Variants in CEP85L observed in about 807,000 individuals in gnomAD.
CEP85L encodes the protein centrosomal protein of 85 kDa-like.
A neutral mutation model predicts 100.3 loss-of-function variants in CEP85L; 60 were observed. The observed-to-expected ratio is 0.60, with a 90% CI of 0.49 to 0.74. The LOEUF is 0.74. Among genes scored for constraint, CEP85L ranks in the 30% least tolerant of loss-of-function variants. The probability of loss-of-function intolerance (pLI) is 0.00; values close to 1 mark genes in which losing one functional copy is unlikely to be tolerated. For synonymous variants in CEP85L, 319 were observed against 322.7 expected, an observed-to-expected ratio of 0.99 and a Z score of 0.12; for missense variants, 973 against 936.2, an observed-to-expected ratio of 1.04 and a Z score of -0.51.
chr6:118,703,596 A>C (rs943353409), intron 1 of CEP85L, among the ~76,000 whole-genome samples: 4 of 152,222 alleles, frequency 2.6e-5, no homozygotes, highest in African/African-American at 9.6e-5. Context: ...ATGGGAGTGA[A>C]ATATAAGTAT....
chr6:118,502,008 G>C (rs1169507087), intron 5 of CEP85L: 3 of 824,396 alleles, frequency 3.6e-6, no homozygotes, highest in Non-Finnish European at 6.1e-6. Flanking sequence ...TTAACAGTCA[G>C]TGGGAATTTG....
chr6:118,511,238 A>T, intron 5 of CEP85L, 60 bp downstream of exon 5: 1 of 957,752 alleles, frequency 1.0e-6, no homozygotes, highest in South Asian at 1.4e-5. Flanking sequence ...TTACAAGGTA[A>T]GTATATTATT....
At chr6:118,563,042 TA>T (rs1467939705) in intron 3 of CEP85L, among the ~76,000 whole-genome samples, 5 of 152,166 alleles carry the variant, frequency 3.3e-5, no homozygotes, top group African/African-American at 1.2e-4. Flanking sequence ...TCATAGTCCC[TA>T]TAGAGTCAGG....
intron 3 of CEP85L, among the ~76,000 whole-genome samples, chr6:118,550,659 T>C (rs1056788170): frequency 1.3e-5 from 2 of 151,892 alleles, no homozygotes; most frequent in Non-Finnish European, 2.9e-5. Flanking sequence ...GTTTAGGTTT[T>C]GTCACTAAGC....
chr6:118,579,621 T>C (rs1159044419), intron 2 of CEP85L, among the ~76,000 whole-genome samples: 1 of 152,220 alleles, frequency 6.6e-6, no homozygotes, highest in African/African-American at 2.4e-5. Context: ...AATAAAACTA[T>C]TACTTTATGA....
intron 1 of CEP85L, among the ~76,000 whole-genome samples, chr6:118,668,729 A>C (rs908160467): frequency 6.6e-6 from 1 of 152,276 alleles, no homozygotes; most frequent in Admixed American, 6.5e-5. Context: ...TAAAGGGAAC[A>C]GAACAAAATT....
intron 1 of CEP85L, among the ~76,000 whole-genome samples, chr6:118,702,805 G>A (rs187481180): frequency 7.2e-5 from 11 of 152,190 alleles, no homozygotes; most frequent in Admixed American, 5.2e-4. Context: ...GACTACCGTG[G>A]CTAACATGGT....
intron 5 of CEP85L, among the ~76,000 whole-genome samples, chr6:118,507,001 T>A (rs1303467920): frequency 6.6e-6 from 1 of 152,040 alleles, no homozygotes; most frequent in Non-Finnish European, 1.5e-5. Flanking sequence ...ATTGCACAAA[T>A]CCTCCCTTGG....
At chr6:118,498,632 G>C (rs1391183135) in intron 5 of CEP85L, among the ~76,000 whole-genome samples, 4 of 146,512 alleles carry the variant, frequency 2.7e-5, no homozygotes, top group Non-Finnish European at 6.0e-5. Flanking sequence ...AGAAAGGAAA[G>C]GAAAAAGGGA....
chr6:118,461,615 G>C lies in CEP85L; in HGVS notation c.*3790C>G, dbSNP rs182962486. ...TTATATTTAGCACTTTTTTAAATAA[G>C]AAAAAAAATCCAAAATCTTTCCCAT... On this transcript the variant is annotated 3_prime_UTR_variant, in exon 13 of 13. Coordinates refer to ENST00000368491, the MANE Select transcript of CEP85L (RefSeq NM_001042475.3). The C allele has an allele frequency of 1.3e-5, 2 of 151,646 alleles. No homozygotes were observed. The highest frequency in any genetic ancestry group is 4.8e-5 in the African/African-American group (2 of 41,412). 9.4% of individuals were successfully genotyped at this position (151,646 alleles called of 1,614,324 possible). A position where few individuals can be genotyped will look rare whatever the true frequency, so the allele number is the denominator to read the frequency against.
At chr6:118,648,022 G>A (rs1485052268) in intron 1 of CEP85L, among the ~76,000 whole-genome samples, 2 of 152,188 alleles carry the variant, frequency 1.3e-5, no homozygotes, top group East Asian at 1.9e-4. Context: ...GGGAGGCTGA[G>A]GCCGGTGGAT....
intron 1 of CEP85L, among the ~76,000 whole-genome samples, chr6:118,684,190 C>T (rs2798327): frequency 0.45 from 68,922 of 151,966 alleles, 16,261 homozygotes; most frequent in African/African-American, 0.57. Context: ...GGCGAGATAA[C>T]TCTCCCCTAG....
chr6:118,465,309 A>C lies in CEP85L; in HGVS notation c.*96T>G. On this transcript the variant is annotated 3_prime_UTR_variant, in exon 13 of 13. Coordinates refer to ENST00000368491, the MANE Select transcript of CEP85L (RefSeq NM_001042475.3). Reference sequence around the variant, plus strand: ...ACAAATCCACAGAAAAAAAATCCCTAAGTGCAAGTCATGTCACTTGCAACC... The same window carrying C: ...ACAAATCCACAGAAAAAAAATCCCTCAGTGCAAGTCATGTCACTTGCAACC... The C allele has an allele frequency of 8.7e-7, 1 of 1,144,180 alleles. No individual in the cohort carries two copies. The highest frequency in any genetic ancestry group is 2.1e-5 in the South Asian group (1 of 47,930). The allele number at this position is 1,144,180 out of a possible 1,614,324, so 70.9% of individuals were successfully genotyped here.
In CEP85L at chr6:118,464,367, T is replaced by C. The variant is rs1393430622; in HGVS notation, c.*1038A>G. 2 of 152,116 alleles carry C rather than the reference T, an allele frequency of 1.3e-5. No individual in the cohort carries two copies. Among genetic ancestry groups the C allele is most frequent in the Non-Finnish European group, 2.9e-5 (2 of 67,982 alleles). 9.4% of individuals were successfully genotyped at this position (152,116 alleles called of 1,614,324 possible). A position where few individuals can be genotyped will look rare whatever the true frequency, so the allele number is the denominator to read the frequency against. ...TGTACTTTAACAAAAGGGATTAAAA[T>C]ACAATCTCAATTAAAAAATGTTTAT... On this transcript the variant is annotated 3_prime_UTR_variant, in exon 13 of 13. Transcript: ENST00000368491.
chr6:118,547,115 A>C (rs1307417061), intron 3 of CEP85L, among the ~76,000 whole-genome samples: 1 of 152,144 alleles, frequency 6.6e-6, no homozygotes, highest in Non-Finnish European at 1.5e-5. Context: ...GCATTTAAAA[A>C]ATTAAAAATT....
chr6:118,501,887 A>G, intron 5 of CEP85L: 1 of 1,210,706 alleles, frequency 8.3e-7, no homozygotes, highest in Non-Finnish European at 1.2e-6. Context: ...AGAAAATAAA[A>G]AGAAAGACAA....
intron 4 of CEP85L, among the ~76,000 whole-genome samples, chr6:118,518,455 C>T (rs1200573496): frequency 1.3e-5 from 2 of 152,106 alleles, no homozygotes; most frequent in African/African-American, 4.8e-5. Flanking sequence ...TGGTTTAGAC[C>T]TGGGAGAGTG....
intron 10 of CEP85L, among the ~76,000 whole-genome samples, chr6:118,470,849 G>T (rs1419849244): frequency 1.3e-5 from 2 of 151,992 alleles, no homozygotes; most frequent in Non-Finnish European, 2.9e-5. Flanking sequence ...AGAAATGCTG[G>T]TTTCCCAGAA....
intron 3 of CEP85L, among the ~76,000 whole-genome samples, chr6:118,534,073 G>A (rs777056034): frequency 1.6e-4 from 24 of 151,998 alleles, no homozygotes; most frequent in African/African-American, 4.1e-4. Context: ...TTGCACTCCC[G>A]CCTGGAGAAC....
Sources: gnomAD v4.1 joint callset for allele counts (sites outside exome capture counted in the v4.1 genomes callset) on GRCh38, gnomAD v4.1.1 for gene constraint, MANE v1.5 for transcripts, NCBI Gene and HGNC (gene_info 2026-07-23, HGNC 2026-07-21) for gene names.